TRIM5: variants seen among roughly 807,000 people sequenced by gnomAD.
The protein encoded by TRIM5 is tripartite motif containing 5, also known as tripartite motif-containing protein 5.
In TRIM5, 31 loss-of-function variants were observed where a neutral mutation model predicts 35.6. That is an observed-to-expected ratio of 0.87 (90% CI 0.65 to 1.18). TRIM5 has a LOEUF of 1.18. Ranked by LOEUF, TRIM5 falls within the 50% of genes most tolerant of loss-of-function variation. TRIM5 has a pLI of 0.00. For synonymous variants in TRIM5, 243 were observed against 215.6 expected, an observed-to-expected ratio of 1.13 and a Z score of -1.11; for missense variants, 609 against 591.6, an observed-to-expected ratio of 1.03 and a Z score of -0.31.
At chr11:5,592,806 A>T in the TRIM5 span, among the ~76,000 whole-genome samples, 1 of 151,474 alleles carries the variant, frequency 6.6e-6, no homozygotes, top group East Asian at 2.0e-4. Flanking sequence ...AGTCTCAGCT[A>T]CTTGAGAGGC....
At chr11:5,612,733 G>A in the TRIM5 span, 1 of 152,172 alleles carries the variant, frequency 6.6e-6, no homozygotes, top group Non-Finnish European at 1.5e-5. Flanking sequence ...GAATGGCACT[G>A]GCTGTCCCAT....
the TRIM5 span, among the ~76,000 whole-genome samples, chr11:5,607,849 A>T: frequency 6.6e-6 from 1 of 152,200 alleles, no homozygotes; most frequent in Non-Finnish European, 1.5e-5. Context: ...TCAAAATCAT[A>T]AGGAAAGGGG....
At chr11:5,639,456 G>A in the TRIM5 span, among the ~76,000 whole-genome samples, 7 of 152,010 alleles carry the variant, frequency 4.6e-5, 1 homozygote, top group South Asian at 6.2e-4. Flanking sequence ...CGAAGAGGGC[G>A]GATCATGAGG....
At chr11:5,610,060 C>A in the TRIM5 span, 1 of 1,394,926 alleles carries the variant, frequency 7.2e-7, no homozygotes, top group Non-Finnish European at 1.0e-6. Context: ...TGGAATTCAT[C>A]AGTAGGCTTG....
Position 5,665,665 on chromosome 11 carries a change from G to GTC in TRIM5, c.884_885dup (p.Arg296AspfsTer7). 6.5e-7 allele frequency: 1 copy of GTC among 1,530,808 alleles called. No homozygotes were observed. Among genetic ancestry groups the GTC allele is most frequent in the Non-Finnish European group, 8.7e-7 (1 of 1,148,438 alleles). The allele number at this position is 1,530,808 out of a possible 1,614,324, so 94.8% of individuals were successfully genotyped here. On this transcript the variant is annotated frameshift_variant, in exon 7 of 8. Transcript: ENST00000380034. LOFTEE classifies it low-confidence loss of function (END_TRUNC). ...TGTGACTTCTCCTTACCCCAGTAGC[G>GTC]TCGGACATCTGTCAGCTCTGAAATG...
chr11:5,596,794 G>A, the TRIM5 span: 4 of 1,580,194 alleles, frequency 2.5e-6, no homozygotes, highest in Non-Finnish European at 3.5e-6. Context: ...GAGTGAGCGC[G>A]CTCTGTTCCT....
At chr11:5,590,995 G>A in the TRIM5 span, 1 of 177,614 alleles carries the variant, frequency 5.6e-6, no homozygotes, top group Non-Finnish European at 1.2e-5. Context: ...GTCAGACCAA[G>A]AACCCACCAA....
chr11:5,676,380 C>T (rs1325046700), intron 4 of TRIM5, among the ~76,000 whole-genome samples: 9 of 152,000 alleles, frequency 5.9e-5, no homozygotes, highest in South Asian at 2.1e-4. Context: ...AATAAAATAC[C>T]TAGGAATCCA....
At chr11:5,588,860 T>C in the TRIM5 span, 1 of 151,638 alleles carries the variant, frequency 6.6e-6, no homozygotes, top group Non-Finnish European at 1.5e-5. Context: ...CTCATCCCAC[T>C]GCGACCTCCA....
chr11:5,663,862 T>C lies in TRIM5; in HGVS notation c.*947A>G, dbSNP rs1850930553. 1 of 152,816 alleles carries C rather than the reference T, an allele frequency of 6.5e-6. No homozygotes were observed. The highest frequency in any genetic ancestry group is 2.4e-5 in the African/African-American group (1 of 41,474). 9.5% of individuals were successfully genotyped at this position (152,816 alleles called of 1,614,324 possible). A position where few individuals can be genotyped will look rare whatever the true frequency, so the allele number is the denominator to read the frequency against. On this transcript the variant is annotated 3_prime_UTR_variant, in exon 8 of 8. Transcript: ENST00000380034. ...GTCACCCTACTATGCAATAAAACAT[T>C]AGCACTTATTTAATGTGAAGTTTTT...
At position 5,680,111 on chromosome 11, in the gene TRIM5, T is replaced by C. The variant is rs1439360441; in HGVS notation, c.67A>G (p.Thr23Ala). 1.9e-6 allele frequency: 3 copies of C among 1,614,082 alleles called. No individual in the cohort carries two copies. The highest frequency in any genetic ancestry group is 2.5e-6 in the Non-Finnish European group (3 of 1,180,010). Residue 23 changes from threonine to alanine, a missense_variant, in exon 2 of 8, where the codon ACA (threonine) becomes GCA (alanine). Physicochemically the swap from Thr to Ala is moderately conservative, Grantham distance 58. Transcript: ENST00000380034. Reference sequence around the variant, plus strand: ...CCGCAGTCCAGGCTCAGGGGTTGTGTCAGGAGTTCCAGGCAGATGGGGCAG... The same window carrying C: ...CCGCAGTCCAGGCTCAGGGGTTGTGCCAGGAGTTCCAGGCAGATGGGGCAG... The part of the protein sequence containing the change: ...VTCPICLELL[T>A]QPLSLDCGHS...
chr11:5,618,296 G>A, the TRIM5 span, among the ~76,000 whole-genome samples: 3 of 151,614 alleles, frequency 2.0e-5, no homozygotes, highest in Non-Finnish European at 2.9e-5. Flanking sequence ...CTTGAACCCA[G>A]GAGGCAAAGG....
chr11:5,650,181 G>T, the TRIM5 span, among the ~76,000 whole-genome samples: 1 of 152,206 alleles, frequency 6.6e-6, no homozygotes, highest in Non-Finnish European at 1.5e-5. Context: ...ATTCCAGTGA[G>T]GAGAAAATGC....
the TRIM5 span, chr11:5,610,734 A>C: frequency 6.3e-7 from 1 of 1,597,722 alleles, no homozygotes; most frequent in African/African-American, 1.3e-5. Context: ...AACGAGACCC[A>C]TGTCCCCGTT....
chr11:5,643,125 A>ATTTTTTT, the TRIM5 span: 1 of 974,266 alleles, frequency 1.0e-6, no homozygotes, highest in African/African-American at 2.1e-5. Context: ...ATATATATAT[A>ATTTTTTT]TTTTTTTTTT....
chr11:5,658,178 T>A, the TRIM5 span, among the ~76,000 whole-genome samples: 2 of 152,290 alleles, frequency 1.3e-5, no homozygotes, highest in East Asian at 3.9e-4. Flanking sequence ...AGCAACTGAA[T>A]GTTAAGAGTA....
At chr11:5,675,790 C>G (rs1288284541) in intron 4 of TRIM5, among the ~76,000 whole-genome samples, 18 of 140,776 alleles carry the variant, frequency 1.3e-4, no homozygotes, top group Admixed American at 1.2e-3. Context: ...CATGCTGGTG[C>G]GCTGCACCCA....
At chr11:5,678,165 TC>T in intron 4 of TRIM5, 38 bp downstream of exon 4, 3 of 1,544,160 alleles carry the variant, frequency 1.9e-6, no homozygotes, top group Non-Finnish European at 2.6e-6. Context: ...CCTTCACTTT[TC>T]TTTAATCTCA....
downstream of TRIM5, among the ~76,000 whole-genome samples, chr11:5,659,718 G>A (rs1260128895): frequency 6.6e-6 from 1 of 150,518 alleles, no homozygotes; most frequent in Non-Finnish European, 1.5e-5. Flanking sequence ...TGTTTTGTAA[G>A]CTCCTGTTCT....
Sources: gnomAD v4.1 joint callset for allele counts (sites outside exome capture counted in the v4.1 genomes callset) on GRCh38, gnomAD v4.1.1 for gene constraint, MANE v1.5 for transcripts, NCBI Gene and HGNC (gene_info 2026-07-23, HGNC 2026-07-21) for gene names.